Variants in EBF1 observed in about 807,000 individuals in gnomAD.
EBF1 encodes transcription factor COE1.
In EBF1, 10 loss-of-function variants were observed where a neutral mutation model predicts 68.4. The observed-to-expected ratio is 0.15, with a 90% CI of 0.09 to 0.25. The LOEUF (loss-of-function observed/expected upper bound fraction) is 0.25. Ranked by LOEUF, EBF1 falls within the 10% of genes least tolerant of loss-of-function variation. The probability of loss-of-function intolerance (pLI) is 1.00; values close to 1 mark genes in which losing one functional copy is unlikely to be tolerated. For synonymous variants in EBF1, 298 were observed against 299.8 expected (o/e 0.99, Z 0.06); for missense variants, 509 against 794.4 (o/e 0.64, Z 4.32).
At chr5:158,860,395 C>T (rs963365609) in intron 6 of EBF1, among the ~76,000 whole-genome samples, 65 of 152,166 alleles carry the variant, frequency 4.3e-4, no homozygotes, top group African/African-American at 1.4e-3. Flanking sequence ...CCTGATCATG[C>T]TTTGGAAGGT....
intron 6 of EBF1, among the ~76,000 whole-genome samples, chr5:158,840,673 GT>G (rs1554157163): frequency 1.3e-4 from 9 of 68,908 alleles, no homozygotes; most frequent in Admixed American, 4.3e-4. Flanking sequence ...TTTTTTTTTT[GT>G]TTTTTTTTTT....
intron 6 of EBF1, among the ~76,000 whole-genome samples, chr5:158,958,655 A>G (rs1055907783): frequency 3.9e-5 from 6 of 152,100 alleles, no homozygotes; most frequent in African/African-American, 1.4e-4. Context: ...AGGTTAATAT[A>G]CACATCCCAC....
In EBF1 at chr5:159,096,826, G is replaced by T. The variant is rs1016616277; in HGVS notation, c.291+148C>A. On this transcript the variant is annotated intron_variant, in intron 2 of 15. Coordinates refer to ENST00000313708, the MANE Select transcript of EBF1 (RefSeq NM_024007.5). Reference sequence around the variant, plus strand: ...GCCAGTGGACCAGGACCCTGGGTTCGTCTGGGATGGGAAGTGGCTTGGGGG... The same window carrying T: ...GCCAGTGGACCAGGACCCTGGGTTCTTCTGGGATGGGAAGTGGCTTGGGGG... 20 of 1,082,126 alleles carry T rather than the reference G, an allele frequency of 1.8e-5. No homozygotes were observed. The African/African-American group carries it at 2.9e-4, about 16-fold the overall frequency. 67.0% of individuals were successfully genotyped at this position (1,082,126 alleles called of 1,614,324 possible).
intron 4 of EBF1, among the ~76,000 whole-genome samples, chr5:159,088,967 G>A (rs559951277): frequency 6.6e-6 from 1 of 152,200 alleles, no homozygotes; most frequent in African/African-American, 2.4e-5. Context: ...AGGAATGCTT[G>A]TATAAGAGGA....
chr5:159,088,211 G>T (rs986904629), intron 4 of EBF1, among the ~76,000 whole-genome samples: 2 of 152,104 alleles, frequency 1.3e-5, no homozygotes, highest in Non-Finnish European at 2.9e-5. Flanking sequence ...GAAGGTATGG[G>T]CACGGAAATC....
intron 6 of EBF1, among the ~76,000 whole-genome samples, chr5:158,916,766 C>T (rs1807284762): frequency 6.6e-6 from 1 of 152,276 alleles, no homozygotes; most frequent in South Asian, 2.1e-4. Context: ...CCTCACTTTT[C>T]AATTACATTT....
chr5:158,998,767 G>A (rs1438195113), intron 6 of EBF1, among the ~76,000 whole-genome samples: 1 of 152,100 alleles, frequency 6.6e-6, no homozygotes, highest in Non-Finnish European at 1.5e-5. Context: ...AATTCAAAAT[G>A]CCTGTGTATC....
At chr5:158,864,037 G>C (rs1795425295) in intron 6 of EBF1, among the ~76,000 whole-genome samples, 1 of 151,744 alleles carries the variant, frequency 6.6e-6, no homozygotes, top group African/African-American at 2.4e-5. Flanking sequence ...TTTGAGACCA[G>C]CCTGGCCAAC....
chr5:158,985,599 G>A (rs1005900263), intron 6 of EBF1, among the ~76,000 whole-genome samples: 9 of 152,192 alleles, frequency 5.9e-5, no homozygotes, highest in South Asian at 2.1e-4. Context: ...TTTTCTCCCT[G>A]CATCTACTTT....
At chr5:158,836,890 C>T (rs1788936047) in intron 7 of EBF1, among the ~76,000 whole-genome samples, 2 of 152,082 alleles carry the variant, frequency 1.3e-5, no homozygotes, top group African/African-American at 4.8e-5. Flanking sequence ...AGGTAGCTGC[C>T]CCTATTGATC....
At chr5:158,987,430 G>A (rs1759322495) in intron 6 of EBF1, among the ~76,000 whole-genome samples, 1 of 152,158 alleles carries the variant, frequency 6.6e-6, no homozygotes. Context: ...TGGGGTTTAA[G>A]AACACTTTTA....
At chr5:159,041,302 C>A (rs928231691) in intron 6 of EBF1, among the ~76,000 whole-genome samples, 2 of 152,186 alleles carry the variant, frequency 1.3e-5, no homozygotes, top group African/African-American at 4.8e-5. Flanking sequence ...TACATACCTA[C>A]CTGAACACAG....
chr5:159,058,752 G>A (rs966299193), intron 6 of EBF1, among the ~76,000 whole-genome samples: 1 of 152,216 alleles, frequency 6.6e-6, no homozygotes, highest in Non-Finnish European at 1.5e-5. Context: ...TTCAGCTGCA[G>A]CCACTTCCCT....
In EBF1 at chr5:159,099,871, G is replaced by A. The variant is rs1444509933; in HGVS notation, c.-393C>T. 8.2e-6 allele frequency: 1 copy of A among 122,668 alleles called. No individual in the cohort carries two copies. The highest frequency in any genetic ancestry group is 1.6e-5 in the Non-Finnish European group (1 of 61,622). 7.6% of individuals were successfully genotyped at this position (122,668 alleles called of 1,614,324 possible). ...CACAGGCCGGTGGAGGACAGGAGGG[G>A]CTGGAGTTTCCTTTTGTAGAGGTAC... On this transcript the variant is annotated 5_prime_UTR_variant, in exon 1 of 16. Transcript: ENST00000313708.
intron 14 of EBF1, among the ~76,000 whole-genome samples, chr5:158,710,965 C>T (rs913386806): frequency 3.3e-5 from 5 of 152,122 alleles, no homozygotes; most frequent in African/African-American, 7.2e-5. Flanking sequence ...TGTGAGAACA[C>T]GGGTTATGAC....
At chr5:159,047,334 C>A (rs1378249461) in intron 6 of EBF1, among the ~76,000 whole-genome samples, 1 of 152,218 alleles carries the variant, frequency 6.6e-6, no homozygotes, top group Non-Finnish European at 1.5e-5. Context: ...GAGTTAAAGG[C>A]TACAGAATGT....
intron 6 of EBF1, among the ~76,000 whole-genome samples, chr5:158,893,831 C>A (rs1801655019): frequency 6.6e-6 from 1 of 152,096 alleles, no homozygotes; most frequent in Admixed American, 6.6e-5. Flanking sequence ...CTAGACAGTC[C>A]AGTCAGGGCA....
intron 10 of EBF1, among the ~76,000 whole-genome samples, chr5:158,766,274 C>T (rs1366592820): frequency 6.6e-6 from 1 of 152,000 alleles, no homozygotes; most frequent in African/African-American, 2.4e-5. Flanking sequence ...GTGAAAGCAC[C>T]ATGCATAGAT....
intron 6 of EBF1, among the ~76,000 whole-genome samples, chr5:158,852,101 T>A (rs1240524853): frequency 7.2e-6 from 1 of 139,436 alleles, no homozygotes; most frequent in Non-Finnish European, 1.5e-5. Flanking sequence ...GGGGTTCTTG[T>A]TTGCGTTAGA....
Sources: gnomAD v4.1 joint callset for allele counts (sites outside exome capture counted in the v4.1 genomes callset) on GRCh38, gnomAD v4.1.1 for gene constraint, MANE v1.5 for transcripts, NCBI Gene and HGNC (gene_info 2026-07-23, HGNC 2026-07-21) for gene names.